Variants in CELF2 observed in about 807,000 individuals in gnomAD.
The protein encoded by CELF2 is CUG triplet repeat RNA-binding protein 2.
Under a neutral mutation model 62.6 loss-of-function variants are expected in CELF2, and 8 were observed. That is an observed-to-expected ratio of 0.13 (90% CI 0.07 to 0.23). The LOEUF (loss-of-function observed/expected upper bound fraction) is 0.23, where lower values mean the gene tolerates loss of function less well. CELF2 is among the 10% of genes least tolerant of loss of function. CELF2 has a pLI of 1.00. For synonymous variants in CELF2, 258 were observed against 250.0 expected, an observed-to-expected ratio of 1.03 and a Z score of -0.30; for missense variants, 333 against 671.0, an observed-to-expected ratio of 0.50 and a Z score of 5.56.
At chr10:11,028,993 C>A (rs1362322263) in intron 1 of CELF2, among the ~76,000 whole-genome samples, 3 of 152,142 alleles carry the variant, frequency 2.0e-5, no homozygotes, top group Non-Finnish European at 4.4e-5. Flanking sequence ...GGATTACAGG[C>A]GTGAGTCACT....
chr10:10,540,345 A>T, the CELF2 span, among the ~76,000 whole-genome samples: 2 of 152,174 alleles, frequency 1.3e-5, no homozygotes, highest in African/African-American at 4.8e-5. Context: ...TATCTCATGC[A>T]CACAGTCCTG....
the CELF2 span, among the ~76,000 whole-genome samples, chr10:10,589,272 T>C: frequency 6.6e-6 from 1 of 152,216 alleles, no homozygotes; most frequent in Non-Finnish European, 1.5e-5. Context: ...TACAGGTTTA[T>C]GGAAGCCAAG....
chr10:11,115,860 T>C (rs2056446408), intron 1 of CELF2, among the ~76,000 whole-genome samples: 1 of 152,234 alleles, frequency 6.6e-6, no homozygotes, highest in South Asian at 2.1e-4. Flanking sequence ...TATGCATGTC[T>C]CTTTGCCCTA....
rs2094563832 is a variant in CELF2 at position 11,311,596 on chromosome 10, AT to A, written c.977-2540del. 6.6e-6 allele frequency among the ~76,000 whole-genome samples: 1 copy of A among 152,234 alleles called. No individual in the cohort carries two copies. The highest frequency in any genetic ancestry group is 6.5e-5 in the Admixed American group (1 of 15,290). On this transcript the variant is annotated intron_variant, in intron 9 of 12. Coordinates refer to ENST00000633077, the MANE Select transcript of CELF2 (RefSeq NM_001326342.2). The surrounding 1 kb of genome is among the most constrained non-coding windows in gnomAD (Gnocchi z 4.7). The stretch of plus-strand genomic sequence containing the variant: ...GCTAATATGTTTACATATTAAAAGA[AT>A]TTGAAAAGCGAAAAAGCCACTGATT...
chr10:10,989,085 A>C (rs2053146717), intron 2 of CELF2, among the ~76,000 whole-genome samples: 1 of 152,200 alleles, frequency 6.6e-6, no homozygotes, highest in African/African-American at 2.4e-5. Flanking sequence ...GAAAACATTA[A>C]GTCCTCGCAG....
At chr10:11,164,631 TC>T (rs1352362409) in intron 1 of CELF2, among the ~76,000 whole-genome samples, 1 of 151,748 alleles carries the variant, frequency 6.6e-6, no homozygotes, top group African/African-American at 2.4e-5. Flanking sequence ...ATATTCAGTG[TC>T]TTTTAGTGGG....
At chr10:11,111,285 A>G (rs1230037601) in intron 1 of CELF2, among the ~76,000 whole-genome samples, 1 of 152,224 alleles carries the variant, frequency 6.6e-6, no homozygotes, top group Non-Finnish European at 1.5e-5. Context: ...AAACTGTTGA[A>G]CAACTTCCCT....
At chr10:10,945,845 C>T (rs1442389485) in intron 2 of CELF2, among the ~76,000 whole-genome samples, 1 of 152,218 alleles carries the variant, frequency 6.6e-6, no homozygotes, top group Non-Finnish European at 1.5e-5. Context: ...TGACAAATTT[C>T]TGGCTGGGTT....
At chr10:10,494,846 C>A in the CELF2 span, among the ~76,000 whole-genome samples, 1 of 152,142 alleles carries the variant, frequency 6.6e-6, no homozygotes, top group East Asian at 1.9e-4. Flanking sequence ...AACAAAAGGT[C>A]CAAATTAAGC....
chr10:10,858,894 C>T (rs560264928), intron 1 of CELF2, among the ~76,000 whole-genome samples: 2 of 152,262 alleles, frequency 1.3e-5, no homozygotes, highest in East Asian at 1.9e-4. Context: ...TCTCACAACT[C>T]TTGATAAAGC....
At position 11,330,746 on chromosome 10, in the gene CELF2, ATTT is replaced by A. The variant is rs1217196287; in HGVS notation, c.*1699_*1701del. 4.6e-5 allele frequency: 7 copies of A among 152,300 alleles called. No individual in the cohort carries two copies. Among genetic ancestry groups the A allele is most frequent in the Non-Finnish European group, 8.8e-5 (6 of 67,940 alleles). The allele number at this position is 152,300 out of a possible 1,614,324, so 9.4% of individuals were successfully genotyped here. On this transcript the variant is annotated 3_prime_UTR_variant, in exon 13 of 13. Transcript: ENST00000633077. The surrounding 1 kb of genome is among the most constrained non-coding windows in gnomAD (Gnocchi z 4.5). ...CCTGTGGCAAAAACGTTTCTTTCTT[ATTT>A]TTTTTCTTTTCCTAAAACAGACTTG...
chr10:11,277,386 C>A (rs1033839029), intron 8 of CELF2, among the ~76,000 whole-genome samples: 2 of 152,176 alleles, frequency 1.3e-5, no homozygotes, highest in Non-Finnish European at 2.9e-5. Context: ...GCCTCTCTCC[C>A]GAATTCCCCA....
the CELF2 span, among the ~76,000 whole-genome samples, chr10:10,527,406 C>T: frequency 6.9e-6 from 1 of 144,364 alleles, no homozygotes; most frequent in Non-Finnish European, 1.5e-5. Flanking sequence ...AAGTTCATGC[C>T]ACTGCTTTCC....
intron 1 of CELF2, among the ~76,000 whole-genome samples, chr10:10,895,816 A>G (rs186545405): frequency 7.9e-5 from 12 of 152,302 alleles, no homozygotes; most frequent in South Asian, 4.1e-4. Flanking sequence ...AAGACAGACA[A>G]TGAAGGGCAG....
At chr10:10,817,737 G>C (rs920694801) in intron 1 of CELF2, among the ~76,000 whole-genome samples, 2 of 152,146 alleles carry the variant, frequency 1.3e-5, no homozygotes, top group African/African-American at 4.8e-5. Flanking sequence ...GAACAGTTAG[G>C]TGGCTTCCAA....
At chr10:11,139,275 C>G (rs1595985998) in intron 1 of CELF2, among the ~76,000 whole-genome samples, 1 of 152,104 alleles carries the variant, frequency 6.6e-6, no homozygotes, top group Non-Finnish European at 1.5e-5. Flanking sequence ...TCTTTAAATC[C>G]TTTTACATAG....
chr10:11,305,762 C>A lies in CELF2; in HGVS notation c.977-8377C>A, dbSNP rs73583231. Among the ~76,000 whole-genome samples the A allele has an allele frequency of 0.031, 4,681 of 152,312 alleles. 246 individuals carry two copies. Among genetic ancestry groups the A allele is most frequent in the African/African-American group, 0.11 (4,438 of 41,534 alleles). ...GGAGAAGGAACCCATCCCGTCCCCTCAGTTGGGATTAGTGTTTGGGATTAC... is the reference window on the plus strand; with the variant it reads ...GGAGAAGGAACCCATCCCGTCCCCTAAGTTGGGATTAGTGTTTGGGATTAC... On this transcript the variant is annotated intron_variant, in intron 9 of 12. Transcript: ENST00000633077. The surrounding 1 kb of genome is among the most constrained non-coding windows in gnomAD (Gnocchi z 4.8).
chr10:11,033,455 C>G (rs1316613725), intron 1 of CELF2, among the ~76,000 whole-genome samples: 1 of 152,120 alleles, frequency 6.6e-6, no homozygotes, highest in Non-Finnish European at 1.5e-5. Flanking sequence ...CAGGGTTTCT[C>G]TATGTTGGTC....
rs144188826 is a variant in CELF2, at chr10:11,327,114, C to A, written c.1438+1135C>A. Among the ~76,000 whole-genome samples the A allele has an allele frequency of 4.6e-3, 690 of 151,308 alleles. 4 individuals are homozygous for A. The highest frequency in any genetic ancestry group is 9.0e-3 in the Admixed American group (137 of 15,162). ...CTAGCAGCAAGGCTGTCAGTCGGGACCCATTCGGCGGCTGCTGTGGCAACT... is the reference window on the plus strand; with the variant it reads ...CTAGCAGCAAGGCTGTCAGTCGGGAACCATTCGGCGGCTGCTGTGGCAACT... On this transcript the variant is annotated intron_variant, in intron 12 of 12. Transcript: ENST00000633077.
Sources: gnomAD v4.1 joint callset for allele counts (sites outside exome capture counted in the v4.1 genomes callset) on GRCh38, gnomAD v4.1.1 for gene constraint, Gnocchi (gnomAD v3.1) non-coding constraint, MANE v1.5 for transcripts, NCBI Gene and HGNC (gene_info 2026-07-23, HGNC 2026-07-21) for gene names.